The following SHISAL1 variants were observed in gnomAD, a reference collection of about 807,000 sequenced individuals.
The protein encoded by SHISAL1 is shisa like 1.
A neutral mutation model predicts 22.6 loss-of-function variants in SHISAL1; 9 were observed. The observed-to-expected ratio is 0.40, with a 90% confidence interval of 0.24 to 0.70. The LOEUF (loss-of-function observed/expected upper bound fraction) is 0.70, where lower values mean the gene tolerates loss of function less well. SHISAL1 is among the 30% of genes least tolerant of loss of function. The probability of loss-of-function intolerance (pLI) is 0.39; values close to 1 mark genes in which losing one functional copy is unlikely to be tolerated. For missense variants in SHISAL1, 246 were observed against 270.6 expected (o/e 0.91, Z 0.64); for synonymous variants, 119 against 115.4 (o/e 1.03, Z -0.20).
At chr22:44,330,509 C>T in the SHISAL1 span, among the ~76,000 whole-genome samples, 18 of 152,322 alleles carry the variant, frequency 1.2e-4, no homozygotes, top group African/African-American at 4.3e-4. Context: ...CTCCCCTTCC[C>T]TGTCGGATGG....
At chr22:44,268,590 C>G (rs548629572) in intron 4 of SHISAL1, among the ~76,000 whole-genome samples, 5 of 152,202 alleles carry the variant, frequency 3.3e-5, no homozygotes, top group Admixed American at 3.3e-4. Flanking sequence ...CCAGCACCCC[C>G]CAGAAGACTC....
chr22:44,300,773 C>G, intron 2 of SHISAL1, 106 bp downstream of exon 2: 1 of 932,596 alleles, frequency 1.1e-6, no homozygotes, highest in Non-Finnish European at 1.7e-6. Flanking sequence ...GGACAAAAGG[C>G]AAGCCTCTGT....
chr22:44,329,489 C>A, the SHISAL1 span, among the ~76,000 whole-genome samples: 1 of 152,164 alleles, frequency 6.6e-6, no homozygotes, highest in Non-Finnish European at 1.5e-5. Flanking sequence ...CAAACTGCTC[C>A]CCTCACCCCT....
chr22:44,261,098 T>TATATATATATATATACAC (rs1459696750), intron 4 of SHISAL1, among the ~76,000 whole-genome samples: 1 of 130,280 alleles, frequency 7.7e-6, no homozygotes, highest in African/African-American at 3.5e-5. Context: ...TATATATATA[T>TATATATATATATATACAC]ACACTATATG....
At chr22:44,301,759 G>A (rs549068068) in intron 1 of SHISAL1, among the ~76,000 whole-genome samples, 8 of 152,274 alleles carry the variant, frequency 5.3e-5, no homozygotes, top group Admixed American at 6.5e-5. Flanking sequence ...CTACAGCAGG[G>A]GGATCCCAGA....
chr22:44,269,476 A>G (rs1046699378), intron 4 of SHISAL1, among the ~76,000 whole-genome samples: 88 of 25,012 alleles, frequency 3.5e-3, no homozygotes, highest in East Asian at 6.4e-3. Context: ...CAACACGCGC[A>G]CACACACACA....
chr22:44,267,780 TG>T (rs1019500771), intron 4 of SHISAL1, among the ~76,000 whole-genome samples: 52 of 152,354 alleles, frequency 3.4e-4, no homozygotes, highest in African/African-American at 1.2e-3. Flanking sequence ...CTATTTCCAG[TG>T]CCCGGACCAC....
the SHISAL1 span, among the ~76,000 whole-genome samples, chr22:44,330,834 C>T: frequency 1.3e-5 from 2 of 152,090 alleles, no homozygotes; most frequent in African/African-American, 4.8e-5. Context: ...GGCGCGGGAT[C>T]AATGTTGATT....
At chr22:44,261,077 T>TA (rs1555925738) in intron 4 of SHISAL1, among the ~76,000 whole-genome samples, 7 of 108,742 alleles carry the variant, frequency 6.4e-5, no homozygotes, top group Non-Finnish European at 9.2e-5. Context: ...CTTCATTACT[T>TA]TATATATATA....
chr22:44,286,336 C>T lies in SHISAL1; in HGVS notation c.282-591G>A, dbSNP rs537052837. ...CAGGCTGTGCATGGCTGGGGCTGTCCGGGCCCCATGACCTCACTTCTGTTA... is the reference window on the plus strand; with the variant it reads ...CAGGCTGTGCATGGCTGGGGCTGTCTGGGCCCCATGACCTCACTTCTGTTA... On this transcript the variant is annotated intron_variant, in intron 3 of 4. Coordinates refer to ENST00000381176, the MANE Select transcript of SHISAL1 (RefSeq NM_001099294.2). Among the ~76,000 whole-genome samples, 95 of 152,294 alleles carry T rather than the reference C, an allele frequency of 6.2e-4. 1 individual carries two copies. The highest frequency in any genetic ancestry group is 2.1e-3 in the African/African-American group (86 of 41,560).
chr22:44,258,903 G>A (rs2055102741), intron 4 of SHISAL1, among the ~76,000 whole-genome samples: 3 of 152,114 alleles, frequency 2.0e-5, no homozygotes, highest in South Asian at 2.1e-4. Flanking sequence ...GGGTTGGGGG[G>A]TCAGGGGGCA....
At chr22:44,261,100 C>CATAT (rs1457689043) in intron 4 of SHISAL1, among the ~76,000 whole-genome samples, 1 of 117,840 alleles carries the variant, frequency 8.5e-6, no homozygotes, top group Non-Finnish European at 1.6e-5. Flanking sequence ...TATATATATA[C>CATAT]ACTATATGGA....
At chr22:44,270,375 G>A (rs1464806698) in intron 4 of SHISAL1, among the ~76,000 whole-genome samples, 1 of 152,186 alleles carries the variant, frequency 6.6e-6, no homozygotes, top group Non-Finnish European at 1.5e-5. Context: ...GCCCTGTGGG[G>A]TGACAAGGAC....
At chr22:44,262,655 G>A (rs1478170426) in intron 4 of SHISAL1, among the ~76,000 whole-genome samples, 5 of 152,206 alleles carry the variant, frequency 3.3e-5, no homozygotes, top group Middle Eastern at 3.2e-3. Flanking sequence ...AGGGCCACAC[G>A]GCCAGCCCCT....
At chr22:44,260,675 T>C (rs956395767) in intron 4 of SHISAL1, among the ~76,000 whole-genome samples, 4 of 152,252 alleles carry the variant, frequency 2.6e-5, no homozygotes, top group African/African-American at 9.6e-5. Context: ...CGCTTGCCTG[T>C]AGGCCACAGT....
At chr22:44,258,282 G>A (rs866783650) in intron 4 of SHISAL1, among the ~76,000 whole-genome samples, 6 of 151,976 alleles carry the variant, frequency 3.9e-5, no homozygotes, top group African/African-American at 7.3e-5. Context: ...ACTCCAGCCT[G>A]GGTGGCAGAG....
At chr22:44,299,707 G>A (rs188096680) in intron 2 of SHISAL1, among the ~76,000 whole-genome samples, 83 of 152,350 alleles carry the variant, frequency 5.4e-4, no homozygotes, top group African/African-American at 1.8e-3. Context: ...GAGAGACACA[G>A]AGACAGAGAC....
intron 2 of SHISAL1, among the ~76,000 whole-genome samples, chr22:44,299,214 A>C (rs945982063): frequency 2.0e-5 from 3 of 152,156 alleles, no homozygotes; most frequent in African/African-American, 7.2e-5. Flanking sequence ...AGGCCGAGGG[A>C]CACTCTGTTA....
chr22:44,291,361 G>A (rs759669728), intron 3 of SHISAL1, among the ~76,000 whole-genome samples: 1 of 152,164 alleles, frequency 6.6e-6, no homozygotes, highest in African/African-American at 2.4e-5. Context: ...TGACCGATAC[G>A]GCTGACCCAA....
Sources: gnomAD v4.1 joint callset for allele counts (sites outside exome capture counted in the v4.1 genomes callset) on GRCh38, gnomAD v4.1.1 for gene constraint, MANE v1.5 for transcripts, NCBI Gene and HGNC (gene_info 2026-07-23, HGNC 2026-07-21) for gene names.